VAV3: variants seen among roughly 807,000 people sequenced by gnomAD.
VAV3 encodes guanine nucleotide exchange factor VAV3.
Under a neutral mutation model 131.2 loss-of-function variants are expected in VAV3, and 94 were observed. The ratio of observed to expected loss-of-function variants is 0.72; its 90% CI spans 0.61 to 0.85. The LOEUF (loss-of-function observed/expected upper bound fraction) is 0.85. VAV3 is among the 40% of genes least tolerant of loss of function. The probability of loss-of-function intolerance (pLI) is 0.00; values close to 1 mark genes in which losing one functional copy is unlikely to be tolerated. For synonymous variants in VAV3, 349 were observed against 342.0 expected (o/e 1.02, Z -0.22); for missense variants, 939 against 1,002.7 (o/e 0.94, Z 0.86).
chr1:107,583,332 C>T (rs1473735493), intron 25 of VAV3, among the ~76,000 whole-genome samples: 1 of 152,144 alleles, frequency 6.6e-6, no homozygotes, highest in Non-Finnish European at 1.5e-5. Flanking sequence ...GGAAGCATTC[C>T]CTTTGCAAAC....
At chr1:107,924,665 AG>A (rs1245707591) in intron 1 of VAV3, among the ~76,000 whole-genome samples, 2 of 152,230 alleles carry the variant, frequency 1.3e-5, no homozygotes, top group African/African-American at 4.8e-5. Context: ...TTTAACTGAC[AG>A]TAGCTAAAAA....
intron 22 of VAV3, among the ~76,000 whole-genome samples, chr1:107,606,210 C>A (rs541187243): frequency 1.3e-5 from 2 of 152,154 alleles, no homozygotes; most frequent in African/African-American, 2.4e-5. Flanking sequence ...AATATTATTG[C>A]AATATTCATA....
intron 1 of VAV3, among the ~76,000 whole-genome samples, chr1:107,957,033 A>T (rs1240474056): frequency 6.6e-6 from 1 of 152,182 alleles, no homozygotes; most frequent in African/African-American, 2.4e-5. Flanking sequence ...CAAACCCAAA[A>T]GAAAGGGGTA....
chr1:107,828,171 C>T (rs1668094249), intron 2 of VAV3, among the ~76,000 whole-genome samples: 1 of 152,194 alleles, frequency 6.6e-6, no homozygotes, highest in African/African-American at 2.4e-5. Context: ...GGTGCTCAGA[C>T]ATCAGTTAAA....
chr1:107,780,314 T>C (rs998825284), intron 2 of VAV3, among the ~76,000 whole-genome samples: 2 of 152,166 alleles, frequency 1.3e-5, no homozygotes, highest in African/African-American at 4.8e-5. Context: ...ATTCTGAGTG[T>C]TTTCAGAAAA....
At chr1:107,769,764 C>T (rs1485526308) in intron 6 of VAV3, among the ~76,000 whole-genome samples, 1 of 152,210 alleles carries the variant, frequency 6.6e-6, no homozygotes, top group African/African-American at 2.4e-5. Context: ...ACCATTCATG[C>T]AGTTTCTCAT....
chr1:107,844,907 T>G (rs1332013905), intron 2 of VAV3, among the ~76,000 whole-genome samples: 1 of 152,222 alleles, frequency 6.6e-6, no homozygotes, highest in Non-Finnish European at 1.5e-5. Context: ...TCCTGCCTGC[T>G]GGCTCTGAAG....
intron 15 of VAV3, among the ~76,000 whole-genome samples, chr1:107,736,850 A>T (rs1662671714): frequency 6.6e-6 from 1 of 152,180 alleles, no homozygotes; most frequent in Admixed American, 6.5e-5. Flanking sequence ...ATTAGAAAAA[A>T]CTACTTTAAA....
At chr1:107,646,495 C>T (rs1655746920) in intron 19 of VAV3, among the ~76,000 whole-genome samples, 1 of 151,914 alleles carries the variant, frequency 6.6e-6, no homozygotes, top group African/African-American at 2.4e-5. Context: ...CTTAGAAGTT[C>T]CTAAAACTTT....
At chr1:107,580,483 C>A (rs1649965422) in intron 25 of VAV3, among the ~76,000 whole-genome samples, 1 of 152,098 alleles carries the variant, frequency 6.6e-6, no homozygotes, top group African/African-American at 2.4e-5. Flanking sequence ...ATTAACCATA[C>A]TCTATGCCTG....
At chr1:107,637,734 T>C (rs1655040756) in intron 20 of VAV3, among the ~76,000 whole-genome samples, 1 of 152,186 alleles carries the variant, frequency 6.6e-6, no homozygotes, top group Admixed American at 6.5e-5. Context: ...GAAGAAATAA[T>C]GCTAATTCTA....
intron 15 of VAV3, among the ~76,000 whole-genome samples, chr1:107,705,494 A>G (rs1660389617): frequency 6.6e-6 from 1 of 152,180 alleles, no homozygotes; most frequent in South Asian, 2.1e-4. Flanking sequence ...TGGACAACAT[A>G]ATGGTCCATA....
intron 20 of VAV3, among the ~76,000 whole-genome samples, chr1:107,632,800 T>C (rs1162561426): frequency 6.6e-6 from 1 of 152,232 alleles, no homozygotes; most frequent in African/African-American, 2.4e-5. Flanking sequence ...GTGTTGTTTT[T>C]CTCTGTTCTA....
At chr1:107,667,785 T>C (rs1332345587) in intron 19 of VAV3, among the ~76,000 whole-genome samples, 1 of 152,210 alleles carries the variant, frequency 6.6e-6, no homozygotes, top group East Asian at 1.9e-4. Flanking sequence ...CATTTCCTGA[T>C]ATTTTGCTAT....
chr1:107,627,007 A>G (rs1421321064), intron 20 of VAV3, among the ~76,000 whole-genome samples: 1 of 152,184 alleles, frequency 6.6e-6, no homozygotes, highest in Non-Finnish European at 1.5e-5. Flanking sequence ...GTCTCCTTTT[A>G]ATCTAGGGCA....
At chr1:107,702,140 C>T (rs998588719) in intron 17 of VAV3, among the ~76,000 whole-genome samples, 3 of 152,194 alleles carry the variant, frequency 2.0e-5, no homozygotes, top group African/African-American at 7.2e-5. Flanking sequence ...CACAGTTCCA[C>T]ATGGCTGGGG....
intron 17 of VAV3, 48 bp from the exon 18 acceptor site, chr1:107,688,454 T>C (rs770755709): frequency 1.9e-6 from 3 of 1,611,350 alleles, no homozygotes; most frequent in South Asian, 1.1e-5. Flanking sequence ...GTTATTTTGT[T>C]TGGTTAGCAA....
intron 22 of VAV3, among the ~76,000 whole-genome samples, chr1:107,604,091 A>G (rs1652082351): frequency 6.8e-6 from 1 of 146,346 alleles, no homozygotes; most frequent in Admixed American, 6.8e-5. Context: ...CAAATCATAC[A>G]TAGGTGTAAA....
intron 21 of VAV3, among the ~76,000 whole-genome samples, chr1:107,611,508 C>A (rs75572883): frequency 6.7e-6 from 1 of 150,166 alleles, no homozygotes; most frequent in Non-Finnish European, 1.5e-5. Flanking sequence ...AAATGTGATG[C>A]GAAAAATATT....
Sources: gnomAD v4.1 joint callset for allele counts (sites outside exome capture counted in the v4.1 genomes callset) on GRCh38, gnomAD v4.1.1 for gene constraint, MANE v1.5 for transcripts, NCBI Gene and HGNC (gene_info 2026-07-23, HGNC 2026-07-21) for gene names.